The following CACHD1 variants were observed in gnomAD, a reference collection of about 807,000 sequenced individuals.
CACHD1 encodes the protein VWFA and cache domain-containing protein 1.
Under a neutral mutation model 138.7 loss-of-function variants are expected in CACHD1, and 71 were observed. The ratio of observed to expected loss-of-function variants is 0.51; its 90% CI spans 0.42 to 0.62. The LOEUF is 0.62. Among genes scored for constraint, CACHD1 ranks in the 20% least tolerant of loss-of-function variants. The pLI, the probability that CACHD1 is intolerant of heterozygous loss-of-function variation, is 0.00. For synonymous variants in CACHD1, 578 were observed against 591.5 expected, an observed-to-expected ratio of 0.98 and a Z score of 0.33; for missense variants, 1,389 against 1,625.3, an observed-to-expected ratio of 0.85 and a Z score of 2.50.
Position 64,663,816 on chromosome 1 carries a change from C to A in CACHD1, c.2073C>A (p.Leu691=), listed in dbSNP as rs1166744135. ...CCTATCTCAGCGACAACACCCGCCT[C>A]ATTGCTAACCCGGGCCTCAAAGTAA... ...YTAYLSDNTR[L]IANPGLKFSV... is the part of the protein sequence containing the mutation. The change falls in exon 14 of 27, where the codon CTC becomes CTA. Residue 691 remains leucine (L), a synonymous_variant. Transcript: ENST00000651257. 6.2e-7 allele frequency: 1 copy of A among 1,614,134 alleles called. No homozygotes were observed. Among genetic ancestry groups the A allele is most frequent in the East Asian group, 2.2e-5 (1 of 44,862 alleles).
At chr1:64,608,546 A>T (rs1157228907) in intron 4 of CACHD1, among the ~76,000 whole-genome samples, 1 of 152,176 alleles carries the variant, frequency 6.6e-6, no homozygotes, top group African/African-American at 2.4e-5. Context: ...TCTTAACTTC[A>T]TTTGTCCAAA....
intron 2 of CACHD1, 113 bp from the exon 3 acceptor site, chr1:64,582,043 A>T: frequency 8.2e-7 from 1 of 1,218,550 alleles, no homozygotes; most frequent in Non-Finnish European, 1.1e-6. Context: ...TGTTTGTTTT[A>T]CTTGAATTTT....
intron 1 of CACHD1, among the ~76,000 whole-genome samples, chr1:64,521,663 G>A (rs1646498900): frequency 1.3e-5 from 2 of 152,166 alleles, no homozygotes; most frequent in Admixed American, 1.3e-4. Context: ...TAATGCTGCT[G>A]TAAGTGTTTG....
intron 1 of CACHD1, among the ~76,000 whole-genome samples, chr1:64,531,580 C>T (rs1646586628): frequency 6.6e-6 from 1 of 151,940 alleles, no homozygotes; most frequent in African/African-American, 2.4e-5. Flanking sequence ...ACAAAAAAGA[C>T]TGTCTTGAAG....
At chr1:64,548,034 C>T (rs1039629217) in intron 1 of CACHD1, among the ~76,000 whole-genome samples, 2 of 152,190 alleles carry the variant, frequency 1.3e-5, no homozygotes, top group African/African-American at 4.8e-5. Context: ...ATAAAAAGAT[C>T]TACTAAGATA....
intron 7 of CACHD1, among the ~76,000 whole-genome samples, chr1:64,638,907 G>A (rs770858018): frequency 2.6e-5 from 4 of 152,112 alleles, no homozygotes; most frequent in Non-Finnish European, 4.4e-5. Flanking sequence ...TTTTCTTGAG[G>A]ATAAGGTGGG....
At chr1:64,622,772 TTG>T (rs1557524162) in intron 4 of CACHD1, among the ~76,000 whole-genome samples, 1 of 152,226 alleles carries the variant, frequency 6.6e-6, no homozygotes, top group African/African-American at 2.4e-5. Flanking sequence ...CATAAGGTAA[TTG>T]TGAAAAGTAG....
At chr1:64,492,321 A>G in intron 1 of CACHD1, among the ~76,000 whole-genome samples, 1 of 100,082 alleles carries the variant, frequency 1.0e-5, no homozygotes, top group Non-Finnish European at 2.4e-5. Context: ...CGGCACTTGT[A>G]TAACTTGAGA....
chr1:64,623,655 G>A (rs573854807), intron 4 of CACHD1, among the ~76,000 whole-genome samples: 5 of 152,252 alleles, frequency 3.3e-5, no homozygotes, highest in East Asian at 3.9e-4. Context: ...CCGATAATGC[G>A]GAGTGGAAGG....
At position 64,673,604 on chromosome 1, in the gene CACHD1, C is replaced by T. The variant is rs552151959; in HGVS notation, c.2727+140C>T. 5 of 749,378 alleles carry T rather than the reference C, an allele frequency of 6.7e-6. No homozygotes were observed. The African/African-American group carries it at 7.0e-5, about 11-fold the overall frequency. 46.4% of individuals were successfully genotyped at this position (749,378 alleles called of 1,614,324 possible). ...ATAGAATGATAGGAGGAGACAGGAG[C>T]TTAGTTCCAGTTCCCAGTTTGACAA... On this transcript the variant is annotated intron_variant, in intron 19 of 26. Coordinates refer to ENST00000651257, the MANE Select transcript of CACHD1 (RefSeq NM_020925.4).
intron 1 of CACHD1, among the ~76,000 whole-genome samples, chr1:64,494,053 C>T (rs780289163): frequency 3.9e-5 from 6 of 152,116 alleles, no homozygotes; most frequent in Non-Finnish European, 7.4e-5. Context: ...AGGGAGGAGG[C>T]GGCCAGCGTT....
At chr1:64,636,130 TTA>T (rs1648519170) in intron 7 of CACHD1, among the ~76,000 whole-genome samples, 1 of 152,046 alleles carries the variant, frequency 6.6e-6, no homozygotes, top group Non-Finnish European at 1.5e-5. Flanking sequence ...AAAAATCTGT[TTA>T]TAGTTTTTTT....
At chr1:64,563,337 G>T (rs1051209581) in intron 2 of CACHD1, among the ~76,000 whole-genome samples, 4 of 152,114 alleles carry the variant, frequency 2.6e-5, no homozygotes, top group African/African-American at 9.7e-5. Flanking sequence ...ATACTTAGCA[G>T]GTATTAATAC....
chr1:64,647,903 A>G lies in CACHD1; in HGVS notation c.1259A>G (p.Lys420Arg), dbSNP rs1333113689. 1 of 1,614,138 alleles carries G rather than the reference A, an allele frequency of 6.2e-7. No individual in the cohort carries two copies. Among genetic ancestry groups the G allele is most frequent in the Non-Finnish European group, 8.5e-7 (1 of 1,179,990 alleles). Reference sequence around the variant, plus strand: ...GACCGGATGGCCTTGCCTGTGATTAAGGGCAGCATGATGGTGCTGAATCAG... The same window carrying G: ...GACCGGATGGCCTTGCCTGTGATTAGGGGCAGCATGATGGTGCTGAATCAG... Reference protein sequence around the residue: ...VPDRMALPVIKGSMMVLNQLS... With the variant: ...VPDRMALPVIRGSMMVLNQLS... The change falls in exon 9 of 27, where the codon AAG (lysine) becomes AGG (arginine). Residue 420 changes from lysine to arginine, a missense_variant. By Grantham distance (26) the Lys-to-Arg change is conservative. Transcript: ENST00000651257.
intron 2 of CACHD1, among the ~76,000 whole-genome samples, chr1:64,566,479 T>C (rs1249412935): frequency 8.3e-5 from 10 of 120,636 alleles, no homozygotes; most frequent in South Asian, 5.7e-4. Flanking sequence ...TGTTTTCAAT[T>C]CCCCCCCCCC....
At chr1:64,649,754 C>A (rs996658652) in intron 9 of CACHD1, among the ~76,000 whole-genome samples, 5 of 152,166 alleles carry the variant, frequency 3.3e-5, no homozygotes, top group African/African-American at 1.2e-4. Flanking sequence ...TGCTTTAAAC[C>A]AAATCACATG....
rs1306182327 is a variant in CACHD1 at position 64,691,683 on chromosome 1, T to C, written c.*122T>C. Reference sequence around the variant, plus strand: ...CTTGTGTTTGTGCTTTGTGCAGAGTTGTTTGAGTCATTTCCTGCCTGTCGA... The same window carrying C: ...CTTGTGTTTGTGCTTTGTGCAGAGTCGTTTGAGTCATTTCCTGCCTGTCGA... On this transcript the variant is annotated 3_prime_UTR_variant, in exon 27 of 27. Transcript: ENST00000651257. 1.2e-6 allele frequency: 1 copy of C among 809,854 alleles called. No individual in the cohort carries two copies. The allele number at this position is 809,854 out of a possible 1,614,324, so 50.2% of individuals were successfully genotyped here.
chr1:64,663,527 G>A lies in CACHD1; in HGVS notation c.1952-168G>A, dbSNP rs577532406. 2.4e-4 allele frequency among the ~76,000 whole-genome samples: 36 copies of A among 150,134 alleles called. No individual in the cohort carries two copies. In the South Asian group the frequency reaches 7.7e-3, roughly 32 times the overall value. On this transcript the variant is annotated intron_variant, in intron 13 of 26. Transcript: ENST00000651257. ...AGCCGCGCCACTTCACACCAGCCTG[G>A]GCCACAGAGCGAGACTCCATCTGAA...
intron 8 of CACHD1, among the ~76,000 whole-genome samples, chr1:64,645,615 T>C (rs1173299053): frequency 6.6e-6 from 1 of 152,016 alleles, no homozygotes. Context: ...AGTAACCAGG[T>C]TGGGGCCTGC....
Sources: gnomAD v4.1 joint callset for allele counts (sites outside exome capture counted in the v4.1 genomes callset) on GRCh38, gnomAD v4.1.1 for gene constraint, MANE v1.5 for transcripts, NCBI Gene and HGNC (gene_info 2026-07-23, HGNC 2026-07-21) for gene names.